The following ODAD2 variants were observed in gnomAD, a reference collection of about 807,000 sequenced individuals.
ODAD2 encodes outer dynein arm-docking complex subunit 2.
A neutral mutation model predicts 106.8 loss-of-function variants in ODAD2; 89 were observed. That is an observed-to-expected ratio of 0.83 (90% CI 0.70 to 0.99). The LOEUF is 0.99. Among genes scored for constraint, ODAD2 ranks in the 50% least tolerant of loss-of-function variants. The pLI is 0.00. For missense variants in ODAD2, 1,168 were observed against 1,238.5 expected (o/e 0.94, Z 0.85); for synonymous variants, 404 against 436.2 (o/e 0.93, Z 0.92).
At chr10:27,932,983 T>G (rs1056534153) in intron 16 of ODAD2, among the ~76,000 whole-genome samples, 1 of 152,124 alleles carries the variant, frequency 6.6e-6, no homozygotes, top group Non-Finnish European at 1.5e-5. Flanking sequence ...GAGCTGGGTG[T>G]GGTGGCTCAC....
chr10:27,858,012 C>T (rs955407679), intron 19 of ODAD2, among the ~76,000 whole-genome samples: 1 of 152,202 alleles, frequency 6.6e-6, no homozygotes, highest in African/African-American at 2.4e-5. Context: ...AGCAGTCACA[C>T]ATGTAGTTGT....
intron 19 of ODAD2, among the ~76,000 whole-genome samples, chr10:27,833,954 AG>A (rs2133035674): frequency 1.3e-5 from 2 of 152,344 alleles, no homozygotes; most frequent in South Asian, 4.1e-4. Flanking sequence ...AAGCCGAGAA[AG>A]GACAGCGGTG....
Position 27,944,180 on chromosome 10 carries a change from C to T in ODAD2, c.1743+42G>A, listed in dbSNP as rs200085145. 294 of 1,534,590 alleles carry T rather than the reference C, an allele frequency of 1.9e-4. 1 individual carries two copies. In the African/African-American group the frequency reaches 3.2e-3, roughly 16 times the overall value. Reference sequence around the variant, plus strand: ...GACAGCAAGGAGCTGTGTGCAGTGGCGGCTGGCACTAGATGACGATGACAA... The same window carrying T: ...GACAGCAAGGAGCTGTGTGCAGTGGTGGCTGGCACTAGATGACGATGACAA... On this transcript the variant is annotated intron_variant, in intron 12 of 19. Coordinates refer to ENST00000305242, the MANE Select transcript of ODAD2 (RefSeq NM_018076.5).
At chr10:27,996,515 A>G (rs1337297044) in intron 1 of ODAD2, among the ~76,000 whole-genome samples, 1 of 152,182 alleles carries the variant, frequency 6.6e-6, no homozygotes, top group Non-Finnish European at 1.5e-5. Flanking sequence ...TGTGCAGGAT[A>G]GTACCTCAGA....
intron 17 of ODAD2, among the ~76,000 whole-genome samples, chr10:27,886,751 G>T (rs1017960829): frequency 1.3e-5 from 2 of 151,958 alleles, no homozygotes; most frequent in African/African-American, 4.8e-5. Flanking sequence ...CGTAGTGTGT[G>T]GGTGGAGAGA....
chr10:27,985,073 A>G lies in ODAD2; in HGVS notation c.521T>C (p.Leu174Pro), dbSNP rs767173014. 1.3e-5 allele frequency: 21 copies of G among 1,608,998 alleles called. No individual in the cohort carries two copies. The Admixed American group carries it at 3.5e-4, about 27-fold the overall frequency. ...ESEIKMKIAM[L>P]LKQLDLHLLN... ...GAGGTGCAGATCCAATTGCTTAAGCAGCATAGCAATCTTCATCTTAATTTC... is the reference window on the plus strand; with the variant it reads ...GAGGTGCAGATCCAATTGCTTAAGCGGCATAGCAATCTTCATCTTAATTTC... The change falls in exon 4 of 20, where the codon CTG (leucine) becomes CCG (proline). Residue 174 changes from leucine (L) to proline (P), a missense_variant. This residue lies in a region of ODAD2 where 430 missense variants were observed against 452.2 expected (regional missense o/e 0.95). Coordinates refer to ENST00000305242, the MANE Select transcript of ODAD2 (RefSeq NM_018076.5).
rs775686414 is a variant in ODAD2 at position 27,975,714 on chromosome 10, C to T, written c.937-4401G>A. ...CATTTCTACCAAACATTTAATAAAC[C>T]GACCAAACATTTAATAAACAAACAA... On this transcript the variant is annotated intron_variant, in intron 7 of 19. Transcript: ENST00000305242. Among the ~76,000 whole-genome samples, 11 of 152,136 alleles carry T rather than the reference C, an allele frequency of 7.2e-5. No individual in the cohort carries two copies. The South Asian group carries it at 1.7e-3, about 23-fold the overall frequency.
rs555892965 is a variant in ODAD2 at position 27,878,349 on chromosome 10, C to G, written c.2611-15727G>C. ...TCAACTAATGGGAAAAATATTGAGA[C>G]ATTATTTACAGATTAATGTATAAAA... On this transcript the variant is annotated intron_variant, in intron 17 of 19. Transcript: ENST00000305242. 2.0e-5 allele frequency among the ~76,000 whole-genome samples: 3 copies of G among 152,242 alleles called. No individual in the cohort carries two copies. In the East Asian group the frequency reaches 5.8e-4, roughly 29 times the overall value.
Position 27,982,475 on chromosome 10 carries a change from T to G in ODAD2, c.820-893A>C, listed in dbSNP as rs549378896. The stretch of plus-strand genomic sequence containing the variant: ...AGAAAATCATTCCTTCTTTTGTCCC[T>G]TTATTCCTAATTAGAGATTTCGTTT... On this transcript the variant is annotated intron_variant, in intron 6 of 19. Transcript: ENST00000305242. 3.9e-5 allele frequency among the ~76,000 whole-genome samples: 6 copies of G among 152,334 alleles called. 1 individual carries two copies. The South Asian group carries it at 1.2e-3, about 32-fold the overall frequency.
chr10:27,924,448 G>C (rs1031948398), intron 16 of ODAD2, among the ~76,000 whole-genome samples: 47 of 149,392 alleles, frequency 3.1e-4, no homozygotes, highest in African/African-American at 1.1e-3. Flanking sequence ...AAAATAATTA[G>C]AAAAATAGCT....
intron 17 of ODAD2, among the ~76,000 whole-genome samples, chr10:27,864,294 GT>G (rs1840275955): frequency 1.3e-5 from 2 of 150,066 alleles, no homozygotes; most frequent in Admixed American, 1.3e-4. Flanking sequence ...GTTTGACTTG[GT>G]TTGGTTTTCT....
chr10:27,836,419 A>G (rs1837894860), intron 19 of ODAD2, among the ~76,000 whole-genome samples: 1 of 152,230 alleles, frequency 6.6e-6, no homozygotes, highest in South Asian at 2.1e-4. Flanking sequence ...TAAATAAAAA[A>G]GATTTATCAG....
chr10:27,880,802 T>C (rs1371855478), intron 17 of ODAD2, among the ~76,000 whole-genome samples: 2 of 152,226 alleles, frequency 1.3e-5, no homozygotes, highest in Non-Finnish European at 2.9e-5. Context: ...CTGTTCTTTA[T>C]AAATTATCCA....
chr10:27,890,618 A>G (rs1256436936), intron 17 of ODAD2, among the ~76,000 whole-genome samples: 2 of 152,032 alleles, frequency 1.3e-5, no homozygotes, highest in South Asian at 2.1e-4. Flanking sequence ...ATGGGAGGGC[A>G]GTAGTGGAGA....
chr10:27,993,974 A>ATGTGTGTGTGTG (rs56017872), intron 2 of ODAD2, among the ~76,000 whole-genome samples: 39 of 140,616 alleles, frequency 2.8e-4, no homozygotes, highest in African/African-American at 2.4e-4. Context: ...ATATATATAT[A>ATGTGTGTGTGTG]TGTGTGTGTG....
chr10:27,846,847 A>G (rs561169398), intron 19 of ODAD2, among the ~76,000 whole-genome samples: 4,142 of 151,808 alleles, frequency 0.027, 169 homozygotes, highest in African/African-American at 0.096. Context: ...ATTCCTGGAC[A>G]CATACACCCT....
At chr10:27,887,618 T>TGTTCTGAACAGAACAGA (rs1842310974) in intron 17 of ODAD2, among the ~76,000 whole-genome samples, 10 of 151,952 alleles carry the variant, frequency 6.6e-5, no homozygotes, top group Non-Finnish European at 1.5e-5. Flanking sequence ...ATTGAAGTCA[T>TGTTCTGAACAGAACAGA]ATAAAGTATC....
At chr10:27,934,341 C>T (rs979120713) in intron 16 of ODAD2, among the ~76,000 whole-genome samples, 7 of 151,362 alleles carry the variant, frequency 4.6e-5, no homozygotes, top group Non-Finnish European at 1.0e-4. Context: ...TTTAAGTCAC[C>T]CAGGTTCCTC....
intron 17 of ODAD2, among the ~76,000 whole-genome samples, chr10:27,904,580 C>G (rs1843450365): frequency 6.6e-6 from 1 of 152,210 alleles, no homozygotes. Context: ...GTACTTAGGT[C>G]TATTCTGTAC....
Sources: gnomAD v4.1 joint callset for allele counts (sites outside exome capture counted in the v4.1 genomes callset) on GRCh38, gnomAD v4.1.1 for gene constraint, gnomAD v4.1.1 regional missense constraint, MANE v1.5 for transcripts, NCBI Gene and HGNC (gene_info 2026-07-23, HGNC 2026-07-21) for gene names.